Variants in NIN observed in about 807,000 individuals in gnomAD.
NIN encodes glycogen synthase kinase 3 beta-interacting protein.
Under a neutral mutation model 257.6 loss-of-function variants are expected in NIN, and 137 were observed. That is an observed-to-expected ratio of 0.53 (90% CI 0.46 to 0.61). The LOEUF (loss-of-function observed/expected upper bound fraction) is 0.61. Among genes scored for constraint, NIN ranks in the 20% least tolerant of loss-of-function variants. NIN has a pLI of 0.00. For missense variants in NIN, 2,439 were observed against 2,501.2 expected, an observed-to-expected ratio of 0.98 and a Z score of 0.53; for synonymous variants, 918 against 919.8, an observed-to-expected ratio of 1.00 and a Z score of 0.04.
chr14:50,752,845 AAT>A (rs749678299), intron 20 of NIN, 112 bp from the exon 21 acceptor site: 23 of 571,280 alleles, frequency 4.0e-5, no homozygotes, highest in South Asian at 5.2e-5. Context: ...TAAAGTTTAA[AAT>A]ATATATATAT....
At chr14:50,779,733 G>A (rs2043057681) in intron 5 of NIN, among the ~76,000 whole-genome samples, 1 of 151,608 alleles carries the variant, frequency 6.6e-6, no homozygotes, top group Non-Finnish European at 1.5e-5. Flanking sequence ...ACTCCAGCCT[G>A]GGCAACAGAG....
chr14:50,788,432 T>C (rs1402041454), intron 5 of NIN, among the ~76,000 whole-genome samples: 1 of 152,230 alleles, frequency 6.6e-6, no homozygotes, highest in Non-Finnish European at 1.5e-5. Context: ...CTAGATGTTT[T>C]CTTGAGTGGG....
intron 4 of NIN, among the ~76,000 whole-genome samples, chr14:50,795,682 A>C (rs1179044414): frequency 6.6e-6 from 1 of 152,212 alleles, no homozygotes; most frequent in Non-Finnish European, 1.5e-5. Flanking sequence ...GTCAGATAAC[A>C]TGGAGGCTTT....
chr14:50,803,974 C>T (rs992822185), intron 4 of NIN, among the ~76,000 whole-genome samples: 1 of 151,384 alleles, frequency 6.6e-6, no homozygotes, highest in African/African-American at 2.4e-5. Context: ...TTGGCTACTG[C>T]AACCTCCGCC....
chr14:50,774,352 T>C (rs1482186374), intron 7 of NIN, among the ~76,000 whole-genome samples: 1 of 152,226 alleles, frequency 6.6e-6, no homozygotes, highest in Non-Finnish European at 1.5e-5. Flanking sequence ...AATTCTCTCA[T>C]CTCAAATGCT....
chr14:50,734,292 A>C (rs1015723313), intron 28 of NIN, among the ~76,000 whole-genome samples: 5 of 151,888 alleles, frequency 3.3e-5, no homozygotes, highest in African/African-American at 9.7e-5. Flanking sequence ...GGGTTTCACT[A>C]TGTTGGCCAG....
chr14:50,753,674 G>A (rs770762465), intron 20 of NIN, among the ~76,000 whole-genome samples: 19 of 151,972 alleles, frequency 1.3e-4, no homozygotes, highest in Admixed American at 2.6e-4. Flanking sequence ...ATTCATTATT[G>A]TTTCAACAGA....
intron 2 of NIN, among the ~76,000 whole-genome samples, chr14:50,830,048 T>A (rs117685099): frequency 6.6e-6 from 1 of 152,184 alleles, no homozygotes; most frequent in Non-Finnish European, 1.5e-5. Flanking sequence ...ATCTCCACTT[T>A]CCGGGCTCCA....
chr14:50,755,886 G>A (rs1306861545), intron 18 of NIN, among the ~76,000 whole-genome samples: 1 of 151,928 alleles, frequency 6.6e-6, no homozygotes, highest in East Asian at 1.9e-4. Context: ...GGCTTGCCTG[G>A]AAACTCCTGG....
chr14:50,825,493 T>A (rs2045418787), intron 2 of NIN, among the ~76,000 whole-genome samples: 1 of 152,214 alleles, frequency 6.6e-6, no homozygotes, highest in Admixed American at 6.5e-5. Flanking sequence ...ACTTTATGTA[T>A]ATCATCTCAT....
Position 50,757,211 on chromosome 14 carries a change from G to T in NIN, c.3819C>A (p.Tyr1273Ter), listed in dbSNP as rs544307842. The change falls in exon 18 of 31, where the codon TAC becomes TAA. Residue 1273 changes from tyrosine to a stop codon, truncating the protein, a stop_gained. Coordinates refer to ENST00000530997, the MANE Select transcript of NIN (RefSeq NM_020921.4). LOFTEE classifies it high-confidence loss of function. ...QEELRMMETR[Y>*]DEALENNKEL... ...CTTTGTTATTTTCTAGTGCCTCATC[G>T]TAGCGTGTCTCCATCATTCTCAGCT... is the stretch of plus-strand genomic sequence containing the variant. The T allele has an allele frequency of 1.3e-4, 211 of 1,613,950 alleles. No individual in the cohort carries two copies. The highest frequency in any genetic ancestry group is 1.8e-4 in the Non-Finnish European group (207 of 1,180,002).
At chr14:50,738,445 A>C (rs1345867014) in intron 26 of NIN, among the ~76,000 whole-genome samples, 159 bp from the exon 27 acceptor site, 1 of 152,212 alleles carries the variant, frequency 6.6e-6, no homozygotes, top group East Asian at 1.9e-4. Flanking sequence ...TCTGGATTTC[A>C]AAAGACCCTT....
chr14:50,825,693 C>T (rs752135193), intron 2 of NIN, among the ~76,000 whole-genome samples: 4 of 152,200 alleles, frequency 2.6e-5, no homozygotes, highest in Admixed American at 6.5e-5. Flanking sequence ...TACACATGCA[C>T]ACAGAACACA....
rs2040252598 is a variant in NIN, at chr14:50,720,598, A to C, written c.*2865T>G. The C allele has an allele frequency of 4.8e-6, 1 of 206,930 alleles. No individual in the cohort carries two copies. Among genetic ancestry groups the C allele is most frequent in the South Asian group, 1.9e-4 (1 of 5,310 alleles). The allele number at this position is 206,930 out of a possible 1,614,324, so 12.8% of individuals were successfully genotyped here. A position where few individuals can be genotyped will look rare whatever the true frequency, so the allele number is the denominator to read the frequency against. ...GAAGGCTAAATATGCAATGCATTGA[A>C]ATTTCTGGGAAGAATTCACATTTAA... On this transcript the variant is annotated 3_prime_UTR_variant, in exon 31 of 31. Transcript: ENST00000530997.
intron 3 of NIN, among the ~76,000 whole-genome samples, chr14:50,816,016 A>C (rs1566877845): frequency 6.6e-6 from 1 of 152,178 alleles, no homozygotes; most frequent in Non-Finnish European, 1.5e-5. Context: ...CAAAAAAACA[A>C]AACAAAATGA....
chr14:50,732,218 C>T (rs891426781), intron 28 of NIN, among the ~76,000 whole-genome samples: 1 of 152,270 alleles, frequency 6.6e-6, no homozygotes, highest in Non-Finnish European at 1.5e-5. Flanking sequence ...AGGGAGTGCA[C>T]ATATCAGGTT....
Position 50,754,637 on chromosome 14 carries a change from A to C in NIN, c.4665-5T>G, listed in dbSNP as rs761530191. 6.2e-7 allele frequency: 1 copy of C among 1,607,046 alleles called. No homozygotes were observed. The highest frequency in any genetic ancestry group is 1.1e-5 in the South Asian group (1 of 89,482). On this transcript the variant is annotated splice_polypyrimidine_tract_variant and splice_region_variant and intron_variant, in intron 19 of 30. Transcript: ENST00000530997. ...TTTACAGTTTCCGTTTTTTGCCTAA[A>C]AGGAATGATGAAAATAAAATTTAAT...
chr14:50,772,638 G>A (rs113808591), intron 8 of NIN, among the ~76,000 whole-genome samples, 170 bp from the exon 9 acceptor site: 7 of 152,266 alleles, frequency 4.6e-5, no homozygotes, highest in Admixed American at 1.3e-4. Context: ...TCAAGCCTAC[G>A]GAGCTTATCA....
At chr14:50,814,322 C>A (rs2044778044) in intron 3 of NIN, among the ~76,000 whole-genome samples, 2 of 152,122 alleles carry the variant, frequency 1.3e-5, no homozygotes. Context: ...CTTGGTAAAT[C>A]ATTACTAGGA....
Sources: allele counts gnomAD v4.1 joint callset (sites outside exome capture counted in the v4.1 genomes callset), GRCh38; gene constraint gnomAD v4.1.1; transcripts MANE v1.5; gene names NCBI Gene and HGNC (gene_info 2026-07-23, HGNC 2026-07-21).